Variants in SAMMSON observed in about 807,000 individuals in gnomAD.
SAMMSON encodes the protein long intergenic non-protein coding RNA 1212.
intron 3 of SAMMSON, among the ~76,000 whole-genome samples, chr3:70,015,985 G>C (rs948679271): frequency 2.0e-5 from 3 of 152,170 alleles, no homozygotes; most frequent in Middle Eastern, 3.2e-3. Context: ...TGGGTTGGTT[G>C]CAAGTCTTTG....
intron 3 of SAMMSON, among the ~76,000 whole-genome samples, chr3:70,045,512 T>A (rs9812459): frequency 0.055 from 8,323 of 151,526 alleles, 691 homozygotes; most frequent in African/African-American, 0.18. Context: ...ATTAATATAT[T>A]TTTTTTTCAT....
intron 6 of SAMMSON, among the ~76,000 whole-genome samples, chr3:70,276,070 A>G (rs1702022842): frequency 1.3e-5 from 2 of 152,164 alleles, no homozygotes; most frequent in Non-Finnish European, 1.5e-5. Flanking sequence ...TCTTTTTAAC[A>G]AAATACAATT....
intron 3 of SAMMSON, chr3:70,069,916 G>T (rs2067223778): frequency 6.6e-6 from 1 of 152,038 alleles, no homozygotes; most frequent in African/African-American, 2.4e-5. Flanking sequence ...AAGAAGATTA[G>T]AAATATGGTC....
chr3:70,391,935 C>A (rs1361228394), downstream of SAMMSON, among the ~76,000 whole-genome samples: 1 of 151,970 alleles, frequency 6.6e-6, no homozygotes, highest in Non-Finnish European at 1.5e-5. Flanking sequence ...GTTGCTTGAC[C>A]CTTATTAAAT....
At chr3:70,335,646 C>T (rs954642943) in intron 7 of SAMMSON, among the ~76,000 whole-genome samples, 21 of 151,876 alleles carry the variant, frequency 1.4e-4, no homozygotes, top group African/African-American at 5.1e-4. Context: ...TGAACTTGTG[C>T]CCACTCCTGT....
chr3:70,359,281 A>T (rs1166824862), intron 9 of SAMMSON, among the ~76,000 whole-genome samples: 1 of 152,122 alleles, frequency 6.6e-6, no homozygotes, highest in African/African-American at 2.4e-5. Context: ...AAGCCCAAGT[A>T]CTCAAGAATA....
At position 70,200,619 on chromosome 3, in the gene SAMMSON, C is replaced by G. The variant is rs181631614; in HGVS notation, n.508-48488C>G. ...CTCACAGCAATCTGTTTTATTTTTT[C>G]TTCATAGCACTGACCATACGATGGC... On this transcript the variant is annotated intron_variant and non_coding_transcript_variant, in intron 4 of 9. Transcript: ENST00000642114. 3.9e-5 allele frequency among the ~76,000 whole-genome samples: 6 copies of G among 152,270 alleles called. No homozygotes were observed. In the East Asian group the frequency reaches 1.2e-3, roughly 29 times the overall value.
intron 9 of SAMMSON, among the ~76,000 whole-genome samples, chr3:70,385,250 G>C (rs556331752): frequency 7.8e-4 from 119 of 152,132 alleles, no homozygotes; most frequent in African/African-American, 2.7e-3. Flanking sequence ...GATTAACAGA[G>C]AAAAATGTTC....
At chr3:70,361,764 A>G (rs1702872224) in intron 9 of SAMMSON, among the ~76,000 whole-genome samples, 1 of 152,164 alleles carries the variant, frequency 6.6e-6, no homozygotes, top group African/African-American at 2.4e-5. Flanking sequence ...GCACCTCAAT[A>G]TAGTGCCTTT....
chr3:70,039,031 G>A (rs6795941), intron 3 of SAMMSON, among the ~76,000 whole-genome samples: 2 of 152,052 alleles, frequency 1.3e-5, no homozygotes, highest in Admixed American at 6.6e-5. Context: ...TGAGCAACAG[G>A]TCATTATGAC....
At chr3:70,207,863 C>T (rs991806263) in intron 4 of SAMMSON, among the ~76,000 whole-genome samples, 12 of 152,104 alleles carry the variant, frequency 7.9e-5, no homozygotes, top group Admixed American at 6.6e-4. Flanking sequence ...CAGTTCCCCT[C>T]AGACACTGAG....
intron 4 of SAMMSON, among the ~76,000 whole-genome samples, chr3:70,238,848 G>A (rs1364284019): frequency 6.6e-6 from 1 of 151,992 alleles, no homozygotes; most frequent in East Asian, 1.9e-4. Flanking sequence ...GAGACTCACA[G>A]AATTGCATAG....
chr3:70,032,179 A>G (rs1200611652), intron 3 of SAMMSON, among the ~76,000 whole-genome samples: 3 of 152,178 alleles, frequency 2.0e-5, no homozygotes, highest in Non-Finnish European at 2.9e-5. Flanking sequence ...TGATCAGCCA[A>G]TTAACATTTC....
chr3:70,105,915 T>C (rs2067365726), intron 4 of SAMMSON, among the ~76,000 whole-genome samples: 1 of 152,164 alleles, frequency 6.6e-6, no homozygotes, highest in Admixed American at 6.5e-5. Flanking sequence ...AACTCTGTCA[T>C]GTTGATATTT....
At chr3:70,150,115 C>T (rs973288155) in intron 4 of SAMMSON, among the ~76,000 whole-genome samples, 4 of 151,920 alleles carry the variant, frequency 2.6e-5, no homozygotes, top group Non-Finnish European at 5.9e-5. Context: ...CAGTTGGTTG[C>T]CATAATATGA....
intron 4 of SAMMSON, among the ~76,000 whole-genome samples, chr3:70,178,815 C>A (rs1468218617): frequency 6.6e-6 from 1 of 152,092 alleles, no homozygotes; most frequent in Non-Finnish European, 1.5e-5. Flanking sequence ...TAGAGACCAG[C>A]TTGGGCAAAA....
At chr3:70,150,380 G>A (rs182799044) in intron 4 of SAMMSON, among the ~76,000 whole-genome samples, 145 of 152,104 alleles carry the variant, frequency 9.5e-4, no homozygotes, top group African/African-American at 3.2e-3. Flanking sequence ...AATACAGTTC[G>A]TATGTTTCTG....
intron 3 of SAMMSON, chr3:70,069,373 T>C (rs2067221560): frequency 6.6e-6 from 1 of 152,112 alleles, no homozygotes; most frequent in Non-Finnish European, 1.5e-5. Flanking sequence ...AAAGATGGAA[T>C]AATACCTGAC....
intron 9 of SAMMSON, among the ~76,000 whole-genome samples, chr3:70,375,718 C>G (rs951681672): frequency 2.0e-5 from 3 of 152,106 alleles, no homozygotes; most frequent in South Asian, 2.1e-4. Flanking sequence ...CCAGTCCTGT[C>G]TACTTTATTT....
Sources: allele counts gnomAD v4.1 joint callset (sites outside exome capture counted in the v4.1 genomes callset), GRCh38; gene constraint gnomAD v4.1.1; transcripts MANE v1.5; gene names NCBI Gene and HGNC (gene_info 2026-07-23, HGNC 2026-07-21).